Variants in MAGI2 observed in about 807,000 individuals in gnomAD.
The protein encoded by MAGI2 is membrane associated guanylate kinase, WW and PDZ domain containing 2, also known as membrane-associated guanylate kinase, WW and PDZ domain-containing protein 2.
Under a neutral mutation model 133.3 loss-of-function variants are expected in MAGI2, and 35 were observed. The ratio of observed to expected loss-of-function variants is 0.26; its 90% CI spans 0.20 to 0.35. The LOEUF (loss-of-function observed/expected upper bound fraction) is 0.35. Ranked by LOEUF, MAGI2 falls within the 10% of genes least tolerant of loss-of-function variation. MAGI2 has a pLI of 1.00. For missense variants in MAGI2, 1,636 were observed against 1,863.4 expected (o/e 0.88, Z 2.25); for synonymous variants, 729 against 710.6 (o/e 1.03, Z -0.41).
intron 2 of MAGI2, among the ~76,000 whole-genome samples, chr7:78,872,221 A>C (rs1180043341): frequency 6.6e-6 from 1 of 151,912 alleles, no homozygotes; most frequent in Non-Finnish European, 1.5e-5. Flanking sequence ...AAAAGAAAGA[A>C]TACTACTGAC....
At chr7:79,340,617 G>T (rs1840816671) in intron 1 of MAGI2, among the ~76,000 whole-genome samples, 1 of 151,962 alleles carries the variant, frequency 6.6e-6, no homozygotes, top group Admixed American at 6.6e-5. Context: ...ATAGGATTTT[G>T]GTATTAATTG....
At chr7:78,316,859 A>G (rs572082370) in intron 9 of MAGI2, among the ~76,000 whole-genome samples, 3 of 152,324 alleles carry the variant, frequency 2.0e-5, no homozygotes, top group East Asian at 3.9e-4. Flanking sequence ...GAGCTGATAA[A>G]CCATGAATCT....
At chr7:78,728,077 A>G (rs1820994039) in intron 2 of MAGI2, among the ~76,000 whole-genome samples, 1 of 152,202 alleles carries the variant, frequency 6.6e-6, no homozygotes, top group African/African-American at 2.4e-5. Context: ...GAGTGAAGTT[A>G]TAACTAGATA....
At chr7:79,053,951 C>A (rs1172227232) in intron 1 of MAGI2, among the ~76,000 whole-genome samples, 1 of 152,094 alleles carries the variant, frequency 6.6e-6, no homozygotes, top group African/African-American at 2.4e-5. Flanking sequence ...AATCCCAGCA[C>A]TTTAGGAGGC....
intron 21 of MAGI2, among the ~76,000 whole-genome samples, chr7:78,076,584 C>T (rs1456934445): frequency 1.3e-5 from 2 of 151,434 alleles, no homozygotes; most frequent in Non-Finnish European, 2.9e-5. Flanking sequence ...CGGTGGCTCA[C>T]GCCTGTAATC....
intron 21 of MAGI2, among the ~76,000 whole-genome samples, chr7:78,076,769 C>A (rs989402244): frequency 1.4e-5 from 2 of 146,086 alleles, no homozygotes; most frequent in African/African-American, 2.5e-5. Flanking sequence ...TGGCGTGAAC[C>A]CGGGAAGCGG....
chr7:78,290,051 G>A (rs990058920), intron 9 of MAGI2, among the ~76,000 whole-genome samples: 18 of 152,078 alleles, frequency 1.2e-4, no homozygotes, highest in African/African-American at 3.9e-4. Flanking sequence ...ATCAACAAAC[G>A]GGCAAAATAA....
rs114158767 is a variant in MAGI2 at position 79,010,267 on chromosome 7, T to C, written c.302-3061A>G. Among the ~76,000 whole-genome samples, 514 of 151,980 alleles carry C rather than the reference T, an allele frequency of 3.4e-3. 5 individuals are homozygous for C. Among genetic ancestry groups the C allele is most frequent in the African/African-American group, 0.012 (497 of 41,490 alleles). ...TGTATGTGTGATACATGTGTATATGTATGTATGTATGTATATATAATGTAT... is the reference window on the plus strand; with the variant it reads ...TGTATGTGTGATACATGTGTATATGCATGTATGTATGTATATATAATGTAT... On this transcript the variant is annotated intron_variant, in intron 1 of 21. Coordinates refer to ENST00000354212, the MANE Select transcript of MAGI2 (RefSeq NM_012301.4).
At chr7:79,101,693 C>T (rs1435967411) in intron 1 of MAGI2, among the ~76,000 whole-genome samples, 3 of 129,482 alleles carry the variant, frequency 2.3e-5, no homozygotes. Flanking sequence ...CACCGCACTC[C>T]AGCAGGTGCT....
chr7:78,073,050 A>G, intron 21 of MAGI2: 1 of 398,030 alleles, frequency 2.5e-6, no homozygotes, highest in Non-Finnish European at 4.4e-6. Flanking sequence ...CTGCTCTAAT[A>G]TAATTGTTGT....
At chr7:78,790,479 G>A (rs1827162177) in intron 2 of MAGI2, among the ~76,000 whole-genome samples, 1 of 152,174 alleles carries the variant, frequency 6.6e-6, no homozygotes, top group Non-Finnish European at 1.5e-5. Flanking sequence ...TGTTGCCCAG[G>A]CTGGAGTGCA....
intron 1 of MAGI2, among the ~76,000 whole-genome samples, chr7:79,054,922 C>T (rs1449319878): frequency 6.6e-6 from 1 of 152,214 alleles, no homozygotes; most frequent in African/African-American, 2.4e-5. Context: ...TCCCAAGTAG[C>T]TGGGATTACA....
chr7:78,482,375 T>C (rs1217710448), intron 6 of MAGI2, among the ~76,000 whole-genome samples: 1 of 151,926 alleles, frequency 6.6e-6, no homozygotes, highest in Non-Finnish European at 1.5e-5. Context: ...ACTTAGTATA[T>C]AATCCAGCAA....
At chr7:78,643,220 A>C (rs1305551829) in intron 2 of MAGI2, among the ~76,000 whole-genome samples, 1 of 152,192 alleles carries the variant, frequency 6.6e-6, no homozygotes, top group African/African-American at 2.4e-5. Context: ...TAGAGTAAGG[A>C]TATTCAGAAA....
chr7:78,189,158 A>G (rs922483048), intron 12 of MAGI2, among the ~76,000 whole-genome samples: 2 of 152,222 alleles, frequency 1.3e-5, no homozygotes, highest in Non-Finnish European at 2.9e-5. Context: ...GTGATCAGCC[A>G]TGAATTACAT....
rs553073600 is a variant in MAGI2, at chr7:79,105,079, G to A, written c.302-97873C>T. 8.5e-5 allele frequency among the ~76,000 whole-genome samples: 13 copies of A among 152,304 alleles called. No individual in the cohort carries two copies. The South Asian group carries it at 2.5e-3, about 29-fold the overall frequency. ...CTCTCCACTGATTTCTGCATGTCAA[G>A]CATCAAGTGTGAGTGACAGGTTTTA... On this transcript the variant is annotated intron_variant, in intron 1 of 21. Coordinates refer to ENST00000354212, the MANE Select transcript of MAGI2 (RefSeq NM_012301.4).
At chr7:78,719,675 CTCTT>C (rs1429020272) in intron 2 of MAGI2, among the ~76,000 whole-genome samples, 1 of 152,164 alleles carries the variant, frequency 6.6e-6, no homozygotes. Flanking sequence ...CTATTAAGAG[CTCTT>C]TCTATGCATT....
Position 78,230,587 on chromosome 7 carries a change from G to A in MAGI2, c.2047+25356C>T, listed in dbSNP as rs1584484339. ...TTAATGATTTTCCAAATTTCTGAAG[G>A]AGTCAATTGAAATTCTAGGCTCACA... On this transcript the variant is annotated intron_variant, in intron 10 of 21. Coordinates refer to ENST00000354212, the MANE Select transcript of MAGI2 (RefSeq NM_012301.4). Among the ~76,000 whole-genome samples the A allele has an allele frequency of 3.9e-5, 6 of 152,186 alleles. 1 individual carries two copies. The highest frequency in any genetic ancestry group is 3.3e-4 in the Admixed American group (5 of 15,292).
rs541383712 is a variant in MAGI2, at chr7:78,515,569, T to C, written c.754+5861A>G. Among the ~76,000 whole-genome samples the C allele has an allele frequency of 3.9e-5, 6 of 152,240 alleles. No individual in the cohort carries two copies. In the South Asian group the frequency reaches 1.2e-3, roughly 32 times the overall value. ...TAAGTACTTGAAATATTTAAAGGTATATGCTAATCGCTGAACAGGCAAACA... is the reference window on the plus strand; with the variant it reads ...TAAGTACTTGAAATATTTAAAGGTACATGCTAATCGCTGAACAGGCAAACA... On this transcript the variant is annotated intron_variant, in intron 4 of 21. Transcript: ENST00000354212.
Sources: gnomAD v4.1 joint callset for allele counts (sites outside exome capture counted in the v4.1 genomes callset) on GRCh38, gnomAD v4.1.1 for gene constraint, MANE v1.5 for transcripts, NCBI Gene and HGNC (gene_info 2026-07-23, HGNC 2026-07-21) for gene names.